CNTNAP5: variants seen among roughly 807,000 people sequenced by gnomAD.
CNTNAP5 encodes contactin associated protein family member 5.
CNTNAP5 carries 72 observed loss-of-function variants against 150.2 expected under a neutral mutation model. The ratio of observed to expected loss-of-function variants is 0.48; its 90% CI spans 0.40 to 0.58. The LOEUF is 0.58. Ranked by LOEUF, CNTNAP5 falls within the 20% of genes least tolerant of loss-of-function variation. The pLI, the probability that CNTNAP5 is intolerant of heterozygous loss-of-function variation, is 0.00. For synonymous variants in CNTNAP5, 672 were observed against 619.8 expected, an observed-to-expected ratio of 1.08 and a Z score of -1.25; for missense variants, 1,636 against 1,626.2, an observed-to-expected ratio of 1.01 and a Z score of -0.10.
intron 12 of CNTNAP5, among the ~76,000 whole-genome samples, chr2:124,635,039 T>C (rs1677944287): frequency 6.6e-6 from 1 of 152,174 alleles, no homozygotes; most frequent in Non-Finnish European, 1.5e-5. Context: ...CCAGTACCAA[T>C]TTTCTACAGT....
chr2:124,672,012 C>T (rs560916801), intron 13 of CNTNAP5, among the ~76,000 whole-genome samples: 4 of 152,274 alleles, frequency 2.6e-5, no homozygotes, highest in South Asian at 4.1e-4. Context: ...CATGTGTTAA[C>T]GATGCCATCA....
At chr2:124,881,642 TG>T (rs1307273589) in intron 21 of CNTNAP5, among the ~76,000 whole-genome samples, 1 of 152,032 alleles carries the variant, frequency 6.6e-6, no homozygotes, top group Non-Finnish European at 1.5e-5. Flanking sequence ...AGAGTCCAGT[TG>T]GGGGCCTTCA....
At chr2:124,156,056 AG>A (rs1684520973) in intron 1 of CNTNAP5, among the ~76,000 whole-genome samples, 1 of 152,232 alleles carries the variant, frequency 6.6e-6, no homozygotes, top group South Asian at 2.1e-4. Flanking sequence ...GTTCAGGGTG[AG>A]GGTAGATTTG....
intron 3 of CNTNAP5, among the ~76,000 whole-genome samples, chr2:124,275,825 A>G (rs1405315601): frequency 2.6e-5 from 4 of 152,134 alleles, no homozygotes; most frequent in Non-Finnish European, 5.9e-5. Context: ...TCCACAAACT[A>G]CATGATCTGA....
At chr2:124,665,499 G>A (rs1678679350) in intron 13 of CNTNAP5, among the ~76,000 whole-genome samples, 2 of 152,132 alleles carry the variant, frequency 1.3e-5, no homozygotes, top group African/African-American at 4.8e-5. Flanking sequence ...TTTAGAAAAA[G>A]CAAAGCAAAT....
At position 124,419,140 on chromosome 2, in the gene CNTNAP5, C is replaced by CAAAAAAAAAAAAAAAAAAA. The variant is rs778863758; in HGVS notation, c.529+1555_529+1573dup. 2.5e-3 allele frequency among the ~76,000 whole-genome samples: 72 copies of CAAAAAAAAAAAAAAAAAAA among 28,890 alleles called. 15 individuals carry two copies. Among genetic ancestry groups the CAAAAAAAAAAAAAAAAAAA allele is most frequent in the Non-Finnish European group, 3.9e-3 (59 of 15,114 alleles). 19.0% of individuals were successfully genotyped at this position (28,890 alleles called of 152,430 possible). On this transcript the variant is annotated intron_variant, in intron 4 of 23. Transcript: ENST00000682447. Reference sequence around the variant, plus strand: ...TGGGCGACAGAGCGAGACTCCTTCTCAAAAAAAAAAAAAAAAAAAAAAACA... The same window carrying CAAAAAAAAAAAAAAAAAAA: ...TGGGCGACAGAGCGAGACTCCTTCTCAAAAAAAAAAAAAAAAAAAAAAAAAAAAAAAAAAAAAAAAAACA...
chr2:124,149,455 T>G (rs1334010117), intron 1 of CNTNAP5, among the ~76,000 whole-genome samples: 1 of 136,422 alleles, frequency 7.3e-6, no homozygotes. Flanking sequence ...CATTCTGAGA[T>G]CAGTTGAAAT....
At chr2:124,882,852 T>C (rs1677994706) in intron 21 of CNTNAP5, among the ~76,000 whole-genome samples, 2 of 151,920 alleles carry the variant, frequency 1.3e-5, no homozygotes, top group Non-Finnish European at 2.9e-5. Context: ...ACATCTTACA[T>C]GGAGGCAGGC....
At chr2:124,562,536 CA>C (rs1291889631) in intron 10 of CNTNAP5, among the ~76,000 whole-genome samples, 1 of 152,116 alleles carries the variant, frequency 6.6e-6, no homozygotes, top group African/African-American at 2.4e-5. Context: ...AGCCTTAAGA[CA>C]AGGTCATCTC....
intron 13 of CNTNAP5, among the ~76,000 whole-genome samples, chr2:124,729,921 C>G (rs1390976155): frequency 6.6e-6 from 1 of 152,106 alleles, no homozygotes; most frequent in Non-Finnish European, 1.5e-5. Flanking sequence ...TTAACTATTT[C>G]TGTCAGCTGA....
chr2:124,544,867 G>A (rs1185469285), intron 10 of CNTNAP5, among the ~76,000 whole-genome samples: 4 of 152,162 alleles, frequency 2.6e-5, no homozygotes, highest in African/African-American at 9.7e-5. Flanking sequence ...AGCCTTAGCA[G>A]CCCAGGCTGG....
At chr2:124,108,351 C>T (rs1261594675) in intron 1 of CNTNAP5, among the ~76,000 whole-genome samples, 1 of 152,122 alleles carries the variant, frequency 6.6e-6, no homozygotes, top group Non-Finnish European at 1.5e-5. Context: ...TTATTATGTT[C>T]TCTTTCTCAG....
At chr2:124,227,678 G>GTGTA (rs1230347977) in intron 2 of CNTNAP5, among the ~76,000 whole-genome samples, 47 of 147,820 alleles carry the variant, frequency 3.2e-4, no homozygotes, top group African/African-American at 1.1e-3. Context: ...GTGTGTGTGT[G>GTGTA]TATTAAACTT....
intron 3 of CNTNAP5, among the ~76,000 whole-genome samples, chr2:124,389,823 G>A (rs1691064803): frequency 6.6e-6 from 1 of 152,016 alleles, no homozygotes; most frequent in African/African-American, 2.4e-5. Context: ...AAAATTAGCT[G>A]GATGTGGTTG....
At chr2:124,578,510 G>T (rs949189349) in intron 11 of CNTNAP5, among the ~76,000 whole-genome samples, 1 of 152,178 alleles carries the variant, frequency 6.6e-6, no homozygotes, top group Non-Finnish European at 1.5e-5. Context: ...CTCCCCAGAG[G>T]GAGACAGCAT....
intron 3 of CNTNAP5, among the ~76,000 whole-genome samples, chr2:124,257,546 C>A (rs1232797748): frequency 6.6e-6 from 1 of 152,190 alleles, no homozygotes; most frequent in African/African-American, 2.4e-5. Flanking sequence ...TCTGTAAATT[C>A]TTCCTCATCT....
At chr2:124,239,990 GT>G (rs1347856265) in intron 2 of CNTNAP5, among the ~76,000 whole-genome samples, 2 of 148,706 alleles carry the variant, frequency 1.3e-5, no homozygotes, top group African/African-American at 4.9e-5. Flanking sequence ...ATTTTCTGGA[GT>G]TTTATAAACT....
At chr2:124,286,771 C>A (rs911411941) in intron 3 of CNTNAP5, among the ~76,000 whole-genome samples, 6 of 152,310 alleles carry the variant, frequency 3.9e-5, no homozygotes, top group African/African-American at 1.4e-4. Flanking sequence ...GGGAGAAATT[C>A]TCCAGTTCAG....
At chr2:124,515,487 C>G (rs1694689013) in intron 8 of CNTNAP5, among the ~76,000 whole-genome samples, 1 of 152,040 alleles carries the variant, frequency 6.6e-6, no homozygotes, top group Admixed American at 6.6e-5. Flanking sequence ...TCAAGGAAAA[C>G]CTGCTTCATT....
Sources: gnomAD v4.1 joint callset for allele counts (sites outside exome capture counted in the v4.1 genomes callset) on GRCh38, gnomAD v4.1.1 for gene constraint, MANE v1.5 for transcripts, NCBI Gene and HGNC (gene_info 2026-07-23, HGNC 2026-07-21) for gene names.